Variants in JAKMIP3 observed in about 807,000 individuals in gnomAD.
JAKMIP3 encodes the protein janus kinase and microtubule-interacting protein 3.
Under a neutral mutation model 118.5 loss-of-function variants are expected in JAKMIP3, and 58 were observed. The observed-to-expected ratio is 0.49, with a 90% CI of 0.40 to 0.61. The LOEUF (loss-of-function observed/expected upper bound fraction) is 0.61, where lower values mean the gene tolerates loss of function less well. Among genes scored for constraint, JAKMIP3 ranks in the 20% least tolerant of loss-of-function variants. The pLI, the probability that JAKMIP3 is intolerant of heterozygous loss-of-function variation, is 0.00. For synonymous variants in JAKMIP3, 486 were observed against 451.2 expected (o/e 1.08, Z -0.98); for missense variants, 950 against 1,109.0 (o/e 0.86, Z 2.04).
chr10:132,133,782 G>A (rs1010331793), intron 4 of JAKMIP3, among the ~76,000 whole-genome samples: 9 of 152,162 alleles, frequency 5.9e-5, no homozygotes, highest in Non-Finnish European at 1.0e-4. Flanking sequence ...ACCCTCCCGT[G>A]GGCCCCGGCC....
rs1392970396 is a variant in JAKMIP3 at position 132,180,542 on chromosome 10, T to TGTGTGTGTGTGTGTGCGTGC, written c.*1104-1812_*1104-1811insTGTGTGTGTGTGCGTGCGTG. The stretch of plus-strand genomic sequence containing the variant: ...GCAGAACTGTGTGTGTGTGTGTGTG[T>TGTGTGTGTGTGTGTGCGTGC]GTGCGTGCGTGCATGCGTGTGTGTG... On this transcript the variant is annotated intron_variant, in intron 23 of 23. Coordinates refer to ENST00000684848, the MANE Select transcript of JAKMIP3 (RefSeq NM_001323087.2). Among the ~76,000 whole-genome samples the TGTGTGTGTGTGTGTGCGTGC allele has an allele frequency of 6.3e-5, 2 of 31,794 alleles. 1 individual carries two copies. Among genetic ancestry groups the TGTGTGTGTGTGTGTGCGTGC allele is most frequent in the African/African-American group, 4.6e-4 (2 of 4,316 alleles). 20.9% of individuals were successfully genotyped at this position (31,794 alleles called of 152,430 possible). A position where few individuals can be genotyped will look rare whatever the true frequency, so the allele number is the denominator to read the frequency against.
chr10:132,159,769 T>TG lies in JAKMIP3; in HGVS notation c.2221-3434dup, dbSNP rs1230362115. On this transcript the variant is annotated intron_variant, in intron 19 of 23. Transcript: ENST00000684848. ...GGGGGGGCCTCTTCCTGTGTGATAC[T>TG]GGGGGGTCTCTTCCTGTGTGATGCT... Among the ~76,000 whole-genome samples the TG allele has an allele frequency of 9.8e-3, 106 of 10,844 alleles. 5 individuals are homozygous for TG. The East Asian group carries it at 0.13, about 13-fold the overall frequency. 7.1% of individuals were successfully genotyped at this position (10,844 alleles called of 152,430 possible). A position where few individuals can be genotyped will look rare whatever the true frequency, so the allele number is the denominator to read the frequency against.
At chr10:132,145,627 C>T in intron 13 of JAKMIP3, 47 bp downstream of exon 13, 1 of 1,496,698 alleles carries the variant, frequency 6.7e-7, no homozygotes, top group Non-Finnish European at 9.1e-7. Context: ...GCTCTATGCT[C>T]CTGGGGGTTG....
Position 132,168,637 on chromosome 10 carries a change from A to C in JAKMIP3, c.*707A>C. On this transcript the variant is annotated 3_prime_UTR_variant, in exon 23 of 24. Transcript: ENST00000684848. ...GGTGCCATCAACCCTCTGCCTCCCT[A>C]CTCAACCTGAGACAGGAAGGCCAAG... 1 of 329,700 alleles carries C rather than the reference A, an allele frequency of 3.0e-6. No homozygotes were observed. 20.4% of individuals were successfully genotyped at this position (329,700 alleles called of 1,614,324 possible). A position where few individuals can be genotyped will look rare whatever the true frequency, so the allele number is the denominator to read the frequency against.
intron 1 of JAKMIP3, among the ~76,000 whole-genome samples, chr10:132,097,741 CAAACT>C (rs2044089245): frequency 1.6e-5 from 2 of 121,458 alleles, no homozygotes; most frequent in Non-Finnish European, 3.6e-5. Context: ...ACAATTATCT[CAAACT>C]AAAAGTTTTT....
intron 1 of JAKMIP3, among the ~76,000 whole-genome samples, chr10:132,095,839 T>C (rs1432493185): frequency 2.0e-5 from 3 of 152,212 alleles, no homozygotes; most frequent in Non-Finnish European, 2.9e-5. Flanking sequence ...GAGCATTCTC[T>C]GTGAGGCTTG....
At chr10:132,151,048 T>C (rs1371845271) in intron 16 of JAKMIP3, among the ~76,000 whole-genome samples, 1 of 151,626 alleles carries the variant, frequency 6.6e-6, no homozygotes, top group Non-Finnish European at 1.5e-5. Context: ...TCTACCATCC[T>C]CTACCCATTA....
chr10:132,101,191 A>G (rs1455098407), intron 1 of JAKMIP3, among the ~76,000 whole-genome samples: 4 of 152,138 alleles, frequency 2.6e-5, no homozygotes, highest in African/African-American at 9.7e-5. Flanking sequence ...TGCAATGTAG[A>G]CAAGGTTTTA....
At chr10:132,177,959 TG>T (rs2060340150) in intron 23 of JAKMIP3, among the ~76,000 whole-genome samples, 1 of 142,500 alleles carries the variant, frequency 7.0e-6, no homozygotes, top group Non-Finnish European at 1.5e-5. Context: ...GTAGTGTGCG[TG>T]TATGTGTGCA....
intron 3 of JAKMIP3, among the ~76,000 whole-genome samples, chr10:132,120,431 C>T (rs1341706972): frequency 2.0e-5 from 3 of 152,252 alleles, no homozygotes; most frequent in Admixed American, 6.5e-5. Flanking sequence ...CTTCCTTCCT[C>T]CACCCCTGAC....
chr10:132,180,984 T>C (rs1228406634), intron 23 of JAKMIP3, among the ~76,000 whole-genome samples: 1 of 148,868 alleles, frequency 6.7e-6, no homozygotes, highest in Non-Finnish European at 1.5e-5. Flanking sequence ...GGCATGTGTG[T>C]GTAGTGTATT....
chr10:132,135,499 G>A (rs1429183019), intron 5 of JAKMIP3, among the ~76,000 whole-genome samples: 1 of 152,196 alleles, frequency 6.6e-6, no homozygotes, highest in Non-Finnish European at 1.5e-5. Flanking sequence ...CAGGTAACTC[G>A]ATATCCCGGA....
chr10:132,148,065 G>A lies in JAKMIP3; in HGVS notation c.1848+15G>A. The A allele has an allele frequency of 2.6e-6, 4 of 1,549,652 alleles. No individual in the cohort carries two copies. The highest frequency in any genetic ancestry group is 2.7e-6 in the Non-Finnish European group (3 of 1,130,098). ...TGGAGCTTGAGGTAGCTGAGTGGAT[G>A]GCCAGCACTGTGGCCTGTGGCTGTG... On this transcript the variant is annotated intron_variant, in intron 14 of 23. Transcript: ENST00000684848.
chr10:132,139,264 A>G (rs202158306), intron 9 of JAKMIP3, among the ~76,000 whole-genome samples: 1,785 of 94,794 alleles, frequency 0.019, 186 homozygotes, highest in African/African-American at 0.06. Context: ...GTGTGTGTGT[A>G]TGTGTGTACA....
At chr10:132,145,474 G>C (rs1272878160) in intron 12 of JAKMIP3, 44 bp from the exon 13 acceptor site, 21 of 1,512,312 alleles carry the variant, frequency 1.4e-5, no homozygotes, top group Non-Finnish European at 1.9e-5. Flanking sequence ...TGGTTTATGA[G>C]TTCCTCCCTC....
At chr10:132,167,201 A>G (rs2058994742) in intron 22 of JAKMIP3, 146 bp downstream of exon 22, 1 of 642,186 alleles carries the variant, frequency 1.6e-6, no homozygotes, top group South Asian at 1.9e-5. Flanking sequence ...GGTTGTTAGA[A>G]AGCCACCCGC....
intron 16 of JAKMIP3, among the ~76,000 whole-genome samples, chr10:132,151,143 C>G (rs2056113473): frequency 6.6e-6 from 1 of 152,174 alleles, no homozygotes; most frequent in Admixed American, 6.5e-5. Flanking sequence ...ATCCTCCATT[C>G]ATTCATCCAT....
intron 4 of JAKMIP3, among the ~76,000 whole-genome samples, chr10:132,134,705 C>T (rs756265789): frequency 4.6e-5 from 7 of 152,246 alleles, no homozygotes; most frequent in Non-Finnish European, 7.3e-5. Context: ...CCCACACTCG[C>T]GGTTTCTGCA....
At chr10:132,108,692 C>T (rs2046293223) in intron 2 of JAKMIP3, among the ~76,000 whole-genome samples, 1 of 151,746 alleles carries the variant, frequency 6.6e-6, no homozygotes, top group African/African-American at 2.4e-5. Flanking sequence ...CCTGGACCTT[C>T]CCAGCCAAGT....
Sources: allele counts gnomAD v4.1 joint callset (sites outside exome capture counted in the v4.1 genomes callset), GRCh38; gene constraint gnomAD v4.1.1; transcripts MANE v1.5; gene names NCBI Gene and HGNC (gene_info 2026-07-23, HGNC 2026-07-21).